Variants in TMC7 observed in about 807,000 individuals in gnomAD.
The protein encoded by TMC7 is transmembrane channel-like protein 7.
Under a neutral mutation model 82.9 loss-of-function variants are expected in TMC7, and 54 were observed. The observed-to-expected ratio is 0.65, with a 90% CI of 0.52 to 0.82. TMC7 has a LOEUF of 0.82. TMC7 is among the 40% of genes least tolerant of loss of function. The probability of loss-of-function intolerance (pLI) is 0.00; values close to 1 mark genes in which losing one functional copy is unlikely to be tolerated. For missense variants in TMC7, 820 were observed against 901.2 expected, an observed-to-expected ratio of 0.91 and a Z score of 1.15; for synonymous variants, 350 against 337.9, an observed-to-expected ratio of 1.04 and a Z score of -0.39.
chr16:18,984,392 C>T (rs2038806610), intron 1 of TMC7: 1 of 1,264,318 alleles, frequency 7.9e-7, no homozygotes. Context: ...GTGGGTTTGT[C>T]TTCCAGCTGT....
intron 2 of TMC7, among the ~76,000 whole-genome samples, chr16:19,013,507 G>A (rs1217509923): frequency 2.6e-5 from 4 of 151,750 alleles, no homozygotes; most frequent in East Asian, 1.9e-4. Flanking sequence ...ATGAGCCACC[G>A]TGCCTGGCCT....
intron 5 of TMC7, among the ~76,000 whole-genome samples, chr16:19,024,381 A>G (rs991588385): frequency 6.6e-6 from 1 of 152,088 alleles, no homozygotes; most frequent in South Asian, 2.1e-4. Context: ...AGACTGAACC[A>G]CTGCACTTCA....
intron 6 of TMC7, 128 bp downstream of exon 6, chr16:19,030,497 T>A: frequency 9.2e-7 from 1 of 1,090,862 alleles, no homozygotes; most frequent in South Asian, 1.9e-5. Context: ...TGGGGAAGGG[T>A]TTGTGAGTCC....
At chr16:19,035,972 G>A (rs1960728803) in intron 7 of TMC7, 149 bp downstream of exon 7, 8 of 858,520 alleles carry the variant, frequency 9.3e-6, no homozygotes, top group South Asian at 8.0e-5. Flanking sequence ...TTTCAAGAAC[G>A]TTTCACAGCG....
At chr16:18,999,189 A>C (rs1295690275) in intron 1 of TMC7, among the ~76,000 whole-genome samples, 1 of 152,176 alleles carries the variant, frequency 6.6e-6, no homozygotes, top group Non-Finnish European at 1.5e-5. Flanking sequence ...CTGTAGAGAC[A>C]GGGTCTCACT....
chr16:19,033,934 A>G (rs1400785602), intron 6 of TMC7: 1 of 152,172 alleles, frequency 6.6e-6, no homozygotes, highest in Admixed American at 6.6e-5. Flanking sequence ...TTCCATTTCT[A>G]TTGTCTTCAT....
At chr16:19,044,810 C>T in intron 9 of TMC7, 74 bp from the exon 10 acceptor site, 2 of 916,474 alleles carry the variant, frequency 2.2e-6, no homozygotes, top group Non-Finnish European at 3.5e-6. Context: ...TTCTACATTC[C>T]CTAGCCCCAG....
At chr16:19,010,965 C>T (rs1288181892) in intron 2 of TMC7, among the ~76,000 whole-genome samples, 2 of 152,176 alleles carry the variant, frequency 1.3e-5, no homozygotes, top group Non-Finnish European at 2.9e-5. Flanking sequence ...CTACTGCAGT[C>T]TGTGGTCTAA....
rs113220803 is a variant in TMC7 at position 19,058,270 on chromosome 16, C to G, written c.2028-1146C>G. On this transcript the variant is annotated intron_variant, in intron 14 of 15. Coordinates refer to ENST00000304381, the MANE Select transcript of TMC7 (RefSeq NM_024847.4). ...TTAGTCAGGCATGTAATCCTAGCTA[C>G]TTAGGAGGCTGAGGCAGGAGAATTC... is the stretch of plus-strand genomic sequence containing the variant. Among the ~76,000 whole-genome samples the G allele has an allele frequency of 1.9e-3, 296 of 152,150 alleles. 1 individual carries two copies. The highest frequency in any genetic ancestry group is 6.8e-3 in the African/African-American group (282 of 41,510).
chr16:19,022,988 C>A, intron 4 of TMC7, 125 bp from the exon 5 acceptor site: 1 of 507,408 alleles, frequency 2.0e-6, no homozygotes, highest in Non-Finnish European at 3.5e-6. Context: ...CCATTGCACT[C>A]CAGTCTGGAT....
In TMC7 at chr16:19,035,911, A is replaced by G; in HGVS notation, c.1005+88A>G. ...TGAGTTTTCAGCTTGCAGAGGATCA[A>G]GGGTCGGGGACAGGTTGTCCCTGGT... is the stretch of plus-strand genomic sequence containing the variant. On this transcript the variant is annotated intron_variant, in intron 7 of 15. Coordinates refer to ENST00000304381, the MANE Select transcript of TMC7 (RefSeq NM_024847.4). 3 of 1,457,836 alleles carry G rather than the reference A, an allele frequency of 2.1e-6. No individual in the cohort carries two copies. In the East Asian group the frequency reaches 7.0e-5, roughly 34 times the overall value. The allele number at this position is 1,457,836 out of a possible 1,614,324, so 90.3% of individuals were successfully genotyped here.
At chr16:19,039,280 A>G (rs1015211342) in intron 8 of TMC7, among the ~76,000 whole-genome samples, 1 of 151,694 alleles carries the variant, frequency 6.6e-6, no homozygotes, top group East Asian at 2.0e-4. Flanking sequence ...TGGTAGAGAC[A>G]GGGTTTCACC....
At chr16:19,023,365 T>G (rs895253782) in intron 5 of TMC7, among the ~76,000 whole-genome samples, 170 bp downstream of exon 5, 4 of 152,236 alleles carry the variant, frequency 2.6e-5, no homozygotes, top group African/African-American at 9.6e-5. Flanking sequence ...AAGAACAATG[T>G]TCACCATCGC....
rs965348121 is a variant in TMC7, at chr16:19,035,826, G to C, written c.1005+3G>C. On this transcript the variant is annotated splice_donor_region_variant and intron_variant, in intron 7 of 15. Coordinates refer to ENST00000304381, the MANE Select transcript of TMC7 (RefSeq NM_024847.4). ...GCAGCTTGCGGTACGAGCTCCGAGT[G>C]AGTGCTCCTGAGTTTGTCCGTGGTG... 2.6e-6 allele frequency: 4 copies of C among 1,563,022 alleles called. No individual in the cohort carries two copies. Among genetic ancestry groups the C allele is most frequent in the Non-Finnish European group, 3.5e-6 (4 of 1,155,514 alleles).
intron 10 of TMC7, 98 bp downstream of exon 10, chr16:19,045,099 A>C (rs933094146): frequency 2.0e-6 from 2 of 1,023,778 alleles, no homozygotes; most frequent in Non-Finnish European, 3.1e-6. Context: ...TTTGAACTGC[A>C]TTTGCTTCGC....
In TMC7 at chr16:19,029,400, T is replaced by A. The variant is rs1019739890; in HGVS notation, c.712-824T>A. On this transcript the variant is annotated intron_variant, in intron 5 of 15. Coordinates refer to ENST00000304381, the MANE Select transcript of TMC7 (RefSeq NM_024847.4). ...TTTTATTCTTAATTTCAGTTTTGGC[T>A]TGTTATATTTGCTTTTTTTCTTTCA... 2.6e-5 allele frequency among the ~76,000 whole-genome samples: 4 copies of A among 152,054 alleles called. No homozygotes were observed. In the South Asian group the frequency reaches 6.2e-4, roughly 24 times the overall value.
At chr16:19,045,587 CTTT>C (rs1961236503) in intron 11 of TMC7, 149 bp downstream of exon 11, 1 of 397,218 alleles carries the variant, frequency 2.5e-6, no homozygotes, top group Non-Finnish European at 4.4e-6. Context: ...CAACTGGTAA[CTTT>C]CTTTTTTTTT....
chr16:19,056,428 G>A, intron 13 of TMC7, 114 bp from the exon 14 acceptor site: 2 of 1,276,174 alleles, frequency 1.6e-6, no homozygotes, highest in Non-Finnish European at 2.2e-6. Context: ...AGGCCCAGGA[G>A]GTTAGGTGGC....
At chr16:19,057,544 A>G (rs1014516583) in intron 14 of TMC7, among the ~76,000 whole-genome samples, 1 of 152,232 alleles carries the variant, frequency 6.6e-6, no homozygotes, top group Non-Finnish European at 1.5e-5. Context: ...GATACCTTTG[A>G]TGAGATTAAT....
Sources: gnomAD v4.1 joint callset for allele counts (sites outside exome capture counted in the v4.1 genomes callset) on GRCh38, gnomAD v4.1.1 for gene constraint, MANE v1.5 for transcripts, NCBI Gene and HGNC (gene_info 2026-07-23, HGNC 2026-07-21) for gene names.